Variants in AGBL4 observed in about 807,000 individuals in gnomAD.
AGBL4 encodes AGBL carboxypeptidase 4, also known as cytosolic carboxypeptidase 6.
Under a neutral mutation model 66.4 loss-of-function variants are expected in AGBL4, and 58 were observed. The observed-to-expected ratio is 0.87, with a 90% CI of 0.71 to 1.09. The LOEUF (loss-of-function observed/expected upper bound fraction) is 1.09, where lower values mean the gene tolerates loss of function less well. Ranked by LOEUF, AGBL4 falls within the 50% of genes least tolerant of loss-of-function variation. The pLI is 0.00. For synonymous variants in AGBL4, 234 were observed against 222.9 expected, an observed-to-expected ratio of 1.05 and a Z score of -0.44; for missense variants, 579 against 631.0, an observed-to-expected ratio of 0.92 and a Z score of 0.88.
At position 49,193,962 on chromosome 1, in the gene AGBL4, T is replaced by C. The variant is rs1647175574; in HGVS notation, c.377+51808A>G. Among the ~76,000 whole-genome samples, 6 of 152,348 alleles carry C rather than the reference T, an allele frequency of 3.9e-5. No homozygotes were observed. The South Asian group carries it at 1.2e-3, about 32-fold the overall frequency. On this transcript the variant is annotated intron_variant, in intron 4 of 13. Transcript: ENST00000371839. ...GTCTATGGAGAGTAAGTATATTTCA[T>C]GGGCTGATGATCAAAACATACATTC...
intron 3 of AGBL4, among the ~76,000 whole-genome samples, chr1:49,346,490 T>C (rs940400447): frequency 2.6e-5 from 4 of 152,232 alleles, no homozygotes; most frequent in African/African-American, 9.6e-5. Flanking sequence ...ATTTTACTTA[T>C]TTTGCTTCAC....
intron 1 of AGBL4, among the ~76,000 whole-genome samples, chr1:49,904,312 A>G (rs1650057518): frequency 6.6e-6 from 1 of 152,192 alleles, no homozygotes; most frequent in South Asian, 2.1e-4. Flanking sequence ...AGGCTCACCT[A>G]AGAGAAGTTA....
intron 9 of AGBL4, among the ~76,000 whole-genome samples, chr1:48,591,698 A>C (rs1184145316): frequency 6.6e-6 from 1 of 152,216 alleles, no homozygotes; most frequent in African/African-American, 2.4e-5. Flanking sequence ...TCTTTGAGTT[A>C]GCCTTGTGTC....
intron 6 of AGBL4, among the ~76,000 whole-genome samples, chr1:48,669,652 C>T (rs1167471983): frequency 6.6e-6 from 1 of 152,180 alleles, no homozygotes; most frequent in Non-Finnish European, 1.5e-5. Flanking sequence ...CCTAACTCCT[C>T]CCCAAAGCCT....
At chr1:48,996,718 G>T (rs971787440) in intron 5 of AGBL4, among the ~76,000 whole-genome samples, 1 of 152,094 alleles carries the variant, frequency 6.6e-6, no homozygotes, top group African/African-American at 2.4e-5. Context: ...ATGTGGAAAG[G>T]ATGAGTATAG....
intron 5 of AGBL4, among the ~76,000 whole-genome samples, chr1:49,040,798 G>T (rs1203452063): frequency 6.6e-6 from 1 of 152,000 alleles, no homozygotes; most frequent in Non-Finnish European, 1.5e-5. Flanking sequence ...ATTAACAAGG[G>T]AACTTTTTGA....
intron 2 of AGBL4, among the ~76,000 whole-genome samples, chr1:49,790,267 G>A (rs1192772691): frequency 6.6e-6 from 1 of 151,686 alleles, no homozygotes; most frequent in Non-Finnish European, 1.5e-5. Context: ...GGGAGGCTGA[G>A]GCAGAAGAAT....
chr1:49,197,119 GT>G (rs1282079562), intron 4 of AGBL4, among the ~76,000 whole-genome samples: 5 of 152,200 alleles, frequency 3.3e-5, no homozygotes, highest in Non-Finnish European at 2.9e-5. Flanking sequence ...ACAAGCCACT[GT>G]GCCTGGCCCG....
intron 6 of AGBL4, among the ~76,000 whole-genome samples, chr1:48,695,301 G>C (rs139528509): frequency 3.9e-5 from 6 of 152,270 alleles, no homozygotes; most frequent in African/African-American, 1.2e-4. Context: ...TAAACAAATG[G>C]CACAGTGACA....
At chr1:49,049,069 G>A (rs746015918) in intron 4 of AGBL4, among the ~76,000 whole-genome samples, 19 of 152,102 alleles carry the variant, frequency 1.2e-4, no homozygotes, top group Non-Finnish European at 2.5e-4. Context: ...TGATGGCCTT[G>A]TGATTCCAGC....
chr1:49,068,811 C>A (rs890234172), intron 4 of AGBL4, among the ~76,000 whole-genome samples: 1 of 152,190 alleles, frequency 6.6e-6, no homozygotes, highest in African/African-American at 2.4e-5. Flanking sequence ...ACCACAGAGT[C>A]TTCCACAATG....
At chr1:49,209,297 A>G (rs984713057) in intron 4 of AGBL4, among the ~76,000 whole-genome samples, 2 of 152,058 alleles carry the variant, frequency 1.3e-5, no homozygotes, top group African/African-American at 4.8e-5. Flanking sequence ...TCCAACTTTA[A>G]TTTTCTTCCT....
At chr1:49,301,452 A>T (rs926328556) in intron 3 of AGBL4, among the ~76,000 whole-genome samples, 1 of 152,226 alleles carries the variant, frequency 6.6e-6, no homozygotes, top group Admixed American at 6.5e-5. Flanking sequence ...TTAATAGTTT[A>T]ATTTTAAAGC....
At chr1:48,542,119 G>T (rs1644083212) in intron 11 of AGBL4, among the ~76,000 whole-genome samples, 1 of 152,132 alleles carries the variant, frequency 6.6e-6, no homozygotes, top group South Asian at 2.1e-4. Flanking sequence ...GTGTTAGTTT[G>T]CTGAGAATGA....
At chr1:49,271,778 G>A (rs1050468123) in intron 3 of AGBL4, among the ~76,000 whole-genome samples, 10 of 151,458 alleles carry the variant, frequency 6.6e-5, no homozygotes, top group African/African-American at 1.7e-4. Flanking sequence ...ATGACTCAGC[G>A]TCTTAATGCA....
intron 1 of AGBL4, among the ~76,000 whole-genome samples, chr1:49,991,306 T>G (rs534051832): frequency 6.6e-6 from 1 of 152,132 alleles, no homozygotes; most frequent in Non-Finnish European, 1.5e-5. Context: ...GACATTAGTT[T>G]TAGTATATAT....
intron 1 of AGBL4, among the ~76,000 whole-genome samples, chr1:49,911,470 T>C (rs1349780482): frequency 2.0e-5 from 3 of 152,166 alleles, no homozygotes; most frequent in Non-Finnish European, 4.4e-5. Flanking sequence ...ATCATGCTCA[T>C]TGAATGGTTC....
At chr1:49,537,590 A>C (rs565585669) in intron 3 of AGBL4, among the ~76,000 whole-genome samples, 5 of 152,294 alleles carry the variant, frequency 3.3e-5, no homozygotes, top group African/African-American at 1.2e-4. Context: ...GCAAATTAAA[A>C]CCACAGTGAG....
intron 3 of AGBL4, among the ~76,000 whole-genome samples, chr1:49,645,620 A>C (rs1042487084): frequency 6.6e-6 from 1 of 151,434 alleles, no homozygotes; most frequent in African/African-American, 2.4e-5. Flanking sequence ...ATATTTAAGA[A>C]AAAAGTTAGT....
Sources: allele counts gnomAD v4.1 joint callset (sites outside exome capture counted in the v4.1 genomes callset), GRCh38; gene constraint gnomAD v4.1.1; transcripts MANE v1.5; gene names NCBI Gene and HGNC (gene_info 2026-07-23, HGNC 2026-07-21).